The following CDH13 variants were observed in gnomAD, a reference collection of about 807,000 sequenced individuals.
CDH13 encodes the protein cadherin-13.
CDH13 carries 24 observed loss-of-function variants against 63.8 expected under a neutral mutation model. The ratio of observed to expected loss-of-function variants is 0.38; its 90% CI spans 0.27 to 0.53. The LOEUF (loss-of-function observed/expected upper bound fraction) is 0.53, where lower values mean the gene tolerates loss of function less well. Ranked by LOEUF, CDH13 falls within the 20% of genes least tolerant of loss-of-function variation. The probability of loss-of-function intolerance (pLI) is 0.85; values close to 1 mark genes in which losing one functional copy is unlikely to be tolerated. For missense variants in CDH13, 1,049 were observed against 903.1 expected, an observed-to-expected ratio of 1.16 and a Z score of -2.07; for synonymous variants, 503 against 355.3, an observed-to-expected ratio of 1.42 and a Z score of -4.67.
rs1904284728 is a variant in CDH13 at position 83,797,004 on chromosome 16, C to G, written c.*1974C>G. 2 of 152,230 alleles carry G rather than the reference C, an allele frequency of 1.3e-5. No homozygotes were observed. Among genetic ancestry groups the G allele is most frequent in the Non-Finnish European group, 2.9e-5 (2 of 68,054 alleles). The allele number at this position is 152,230 out of a possible 1,614,324, so 9.4% of individuals were successfully genotyped here. ...TAGGGTCATTCTCCACGAGCACATGCCCCCGACTCAGGGACAGGGGAATCT... is the reference window on the plus strand; with the variant it reads ...TAGGGTCATTCTCCACGAGCACATGGCCCCGACTCAGGGACAGGGGAATCT... On this transcript the variant is annotated 3_prime_UTR_variant, in exon 14 of 14. Transcript: ENST00000567109.
chr16:83,342,169 A>T (rs1234555520), intron 5 of CDH13, among the ~76,000 whole-genome samples: 1 of 152,164 alleles, frequency 6.6e-6, no homozygotes, highest in Non-Finnish European at 1.5e-5. Context: ...TTTTCATTTT[A>T]ATAAATGTAA....
In CDH13 at chr16:82,682,152, T is replaced by C. The variant is rs530218466; in HGVS notation, c.45+55015T>C. Among the ~76,000 whole-genome samples, 13 of 152,354 alleles carry C rather than the reference T, an allele frequency of 8.5e-5. No individual in the cohort carries two copies. The South Asian group carries it at 2.7e-3, about 32-fold the overall frequency. On this transcript the variant is annotated intron_variant, in intron 1 of 13. Transcript: ENST00000567109. ...TTCATTTTGCCTCTCTTGTTCCCAA[T>C]GATAAGACTGCCTTCACGCATCAGG...
chr16:83,452,773 T>C (rs774239754), intron 6 of CDH13, among the ~76,000 whole-genome samples: 15 of 152,200 alleles, frequency 9.9e-5, no homozygotes, highest in Non-Finnish European at 2.1e-4. Context: ...ATGTATGTGT[T>C]TGTGATGTCT....
At chr16:82,631,408 T>A (rs1907994332) in intron 1 of CDH13, among the ~76,000 whole-genome samples, 1 of 152,208 alleles carries the variant, frequency 6.6e-6, no homozygotes, top group Non-Finnish European at 1.5e-5. Flanking sequence ...GTCCACTCAC[T>A]TTCCATCACT....
intron 8 of CDH13, among the ~76,000 whole-genome samples, chr16:83,612,126 C>T (rs1275137930): frequency 6.6e-6 from 1 of 152,050 alleles, no homozygotes; most frequent in Non-Finnish European, 1.5e-5. Context: ...TCTATAATTA[C>T]AGATCTATCT....
intron 2 of CDH13, among the ~76,000 whole-genome samples, chr16:82,919,376 A>T (rs1281704009): frequency 6.6e-6 from 1 of 152,052 alleles, no homozygotes; most frequent in African/African-American, 2.4e-5. Flanking sequence ...TCCACCCTCA[A>T]ATAGGTCCCA....
intron 4 of CDH13, among the ~76,000 whole-genome samples, chr16:83,214,351 G>A (rs1389332030): frequency 2.0e-5 from 3 of 151,848 alleles, no homozygotes; most frequent in East Asian, 1.9e-4. Context: ...AGGCTGAGGC[G>A]GGTGGATCAC....
chr16:82,815,317 G>A (rs1182041035), intron 1 of CDH13, among the ~76,000 whole-genome samples: 1 of 152,084 alleles, frequency 6.6e-6, no homozygotes, highest in Non-Finnish European at 1.5e-5. Context: ...AGAGACAGTC[G>A]ACTTGCCTCT....
At chr16:82,715,739 G>T (rs2032321848) in intron 1 of CDH13, among the ~76,000 whole-genome samples, 1 of 152,162 alleles carries the variant, frequency 6.6e-6, no homozygotes, top group South Asian at 2.1e-4. Context: ...GAAGAAAGAG[G>T]TGACAATGAC....
In CDH13 at chr16:82,826,844, T is replaced by C. The variant is rs182157530; in HGVS notation, c.46-31518T>C. 3.3e-5 allele frequency: 5 copies of C among 152,328 alleles called. No homozygotes were observed. The East Asian group carries it at 9.6e-4, about 29-fold the overall frequency. 9.4% of individuals were successfully genotyped at this position (152,328 alleles called of 1,614,324 possible). On this transcript the variant is annotated intron_variant, in intron 1 of 13. Coordinates refer to ENST00000567109, the MANE Select transcript of CDH13 (RefSeq NM_001257.5). ...GATTAAAATGTGGTATTAGCAGACATTGACCACAGGAAGGGTGAGGCAGGT... is the reference window on the plus strand; with the variant it reads ...GATTAAAATGTGGTATTAGCAGACACTGACCACAGGAAGGGTGAGGCAGGT...
chr16:83,340,764 G>C (rs943576881), intron 5 of CDH13, among the ~76,000 whole-genome samples: 3 of 152,138 alleles, frequency 2.0e-5, no homozygotes, highest in Admixed American at 2.0e-4. Flanking sequence ...ATGTGTAATT[G>C]CTCGGAGTTC....
chr16:82,898,107 T>G (rs1410749247), intron 2 of CDH13, among the ~76,000 whole-genome samples: 3 of 152,260 alleles, frequency 2.0e-5, no homozygotes, highest in African/African-American at 7.2e-5. Flanking sequence ...ATCTCATGAA[T>G]AGTTTTTATA....
rs118160242 is a variant in CDH13, at chr16:83,733,307, G to T, written c.1539-14801G>T. Among the ~76,000 whole-genome samples, 1,420 of 152,272 alleles carry T rather than the reference G, an allele frequency of 9.3e-3. 64 individuals are homozygous for T. The highest frequency in any genetic ancestry group is 0.067 in the Admixed American group (1,032 of 15,292). On this transcript the variant is annotated intron_variant, in intron 10 of 13. Coordinates refer to ENST00000567109, the MANE Select transcript of CDH13 (RefSeq NM_001257.5). ...TGATCCGTGAGCGCACACTGGACTCGTGCTCCTGGGTGAGCTCTCTCCTTG... is the reference window on the plus strand; with the variant it reads ...TGATCCGTGAGCGCACACTGGACTCTTGCTCCTGGGTGAGCTCTCTCCTTG...
At chr16:83,446,319 AAG>A (rs1444019909) in intron 6 of CDH13, among the ~76,000 whole-genome samples, 1 of 151,762 alleles carries the variant, frequency 6.6e-6, no homozygotes, top group Non-Finnish European at 1.5e-5. Context: ...AAAAAAAAGA[AAG>A]AAAGAAAAAA....
intron 2 of CDH13, among the ~76,000 whole-genome samples, chr16:82,936,502 C>T (rs2042671385): frequency 6.6e-6 from 1 of 152,094 alleles, no homozygotes; most frequent in South Asian, 2.1e-4. Context: ...AATTAGCTTC[C>T]ACAAAACTGG....
At chr16:83,541,065 TC>T (rs1159124354) in intron 7 of CDH13, among the ~76,000 whole-genome samples, 1 of 152,130 alleles carries the variant, frequency 6.6e-6, no homozygotes, top group African/African-American at 2.4e-5. Context: ...TCATGTTCAC[TC>T]CCGCTCAATC....
intron 2 of CDH13, among the ~76,000 whole-genome samples, chr16:82,891,503 G>C (rs187030507): frequency 2.0e-5 from 3 of 152,220 alleles, no homozygotes; most frequent in African/African-American, 4.8e-5. Context: ...ATATATTTTG[G>C]GTTGTCTGGA....
At chr16:83,089,578 G>A (rs2033793344) in intron 3 of CDH13, among the ~76,000 whole-genome samples, 1 of 152,224 alleles carries the variant, frequency 6.6e-6, no homozygotes, top group African/African-American at 2.4e-5. Flanking sequence ...AGGGCTTGGT[G>A]CCTGCTCTGG....
chr16:83,143,069 G>C (rs966837376), intron 4 of CDH13, among the ~76,000 whole-genome samples: 1 of 152,240 alleles, frequency 6.6e-6, no homozygotes, highest in South Asian at 2.1e-4. Context: ...GTGCCGTTGC[G>C]CTCCAGCCTG....
Sources: gnomAD v4.1 joint callset for allele counts (sites outside exome capture counted in the v4.1 genomes callset) on GRCh38, gnomAD v4.1.1 for gene constraint, MANE v1.5 for transcripts, NCBI Gene and HGNC (gene_info 2026-07-23, HGNC 2026-07-21) for gene names.